PDE4D: variants seen among roughly 807,000 people sequenced by gnomAD.
PDE4D encodes the protein phosphodiesterase 4D.
PDE4D carries 24 observed loss-of-function variants against 87.4 expected under a neutral mutation model. That is an observed-to-expected ratio of 0.27 (90% confidence interval 0.20 to 0.39). PDE4D has a LOEUF of 0.39. Among genes scored for constraint, PDE4D ranks in the 10% least tolerant of loss-of-function variants. The probability of loss-of-function intolerance (pLI) is 1.00; values close to 1 mark genes in which losing one functional copy is unlikely to be tolerated. For synonymous variants in PDE4D, 384 were observed against 383.2 expected (o/e 1.00, Z -0.02); for missense variants, 714 against 1,041.0 (o/e 0.69, Z 4.32).
chr5:60,493,982 A>T (rs1042739835), intron 1 of PDE4D, among the ~76,000 whole-genome samples: 3 of 152,214 alleles, frequency 2.0e-5, no homozygotes, highest in African/African-American at 7.2e-5. Context: ...ATGCTTTAAA[A>T]TTGAAACATA....
rs762524555 is a variant in PDE4D at position 60,360,579 on chromosome 5, G to C, written c.-90+127363C>G. On this transcript the variant is annotated intron_variant, in intron 1 of 16. Coordinates refer to the PDE4D transcript ENST00000502484. Reference sequence around the variant, plus strand: ...GCGAAGAAAATCCCTTCTGTGGCTGGAGACCGAAGAGGCCAACTTCAAAGC... The same window carrying C: ...GCGAAGAAAATCCCTTCTGTGGCTGCAGACCGAAGAGGCCAACTTCAAAGC... 1.4e-4 allele frequency among the ~76,000 whole-genome samples: 21 copies of C among 152,200 alleles called. 1 individual carries two copies. Among genetic ancestry groups the C allele is most frequent in the Non-Finnish European group, 3.1e-4 (21 of 68,038 alleles).
intron 2 of PDE4D, among the ~76,000 whole-genome samples, chr5:60,048,439 C>T (rs894986087): frequency 3.3e-5 from 5 of 151,722 alleles, no homozygotes; most frequent in African/African-American, 7.2e-5. Flanking sequence ...GCTCGTTAAT[C>T]GATGCAGTTT....
At chr5:59,283,736 C>T (rs1428217731) in intron 1 of PDE4D, among the ~76,000 whole-genome samples, 1 of 152,150 alleles carries the variant, frequency 6.6e-6, no homozygotes, top group Non-Finnish European at 1.5e-5. Context: ...TAAAGCCCAA[C>T]TAACTCCAAG....
intron 1 of PDE4D, among the ~76,000 whole-genome samples, chr5:59,657,280 G>A (rs1453550786): frequency 6.6e-6 from 1 of 152,160 alleles, no homozygotes; most frequent in Non-Finnish European, 1.5e-5. Flanking sequence ...ATTGAAGATT[G>A]TCTCAGAAAG....
intron 5 of PDE4D, among the ~76,000 whole-genome samples, chr5:59,053,662 T>TG (rs2153406311): frequency 1.4e-5 from 1 of 70,636 alleles, no homozygotes; most frequent in South Asian, 4.1e-4. Context: ...TTTGTTGTTG[T>TG]TTTTTTTTTT....
intron 1 of PDE4D, among the ~76,000 whole-genome samples, chr5:59,286,836 G>A (rs1408109014): frequency 1.3e-5 from 2 of 152,088 alleles, no homozygotes; most frequent in Non-Finnish European, 1.5e-5. Flanking sequence ...TGGAAAAAAT[G>A]CATTTTTACT....
At chr5:60,457,107 C>G (rs923841589) in intron 1 of PDE4D, among the ~76,000 whole-genome samples, 1 of 152,134 alleles carries the variant, frequency 6.6e-6, no homozygotes, top group Admixed American at 6.6e-5. Context: ...ACAGCCTGCT[C>G]GACTGAGAGA....
chr5:59,588,102 C>T (rs1382026573), intron 1 of PDE4D, among the ~76,000 whole-genome samples: 2 of 152,050 alleles, frequency 1.3e-5, no homozygotes, highest in African/African-American at 2.4e-5. Flanking sequence ...CCTATGGAAG[C>T]CGGTTCTGCA....
chr5:59,203,333 G>T (rs1159802368), intron 2 of PDE4D, among the ~76,000 whole-genome samples: 1 of 151,836 alleles, frequency 6.6e-6, no homozygotes, highest in Non-Finnish European at 1.5e-5. Context: ...TCAAAAAAAG[G>T]TAACAAATGT....
At chr5:59,651,205 G>A (rs1355460044) in intron 1 of PDE4D, among the ~76,000 whole-genome samples, 2 of 150,504 alleles carry the variant, frequency 1.3e-5, no homozygotes, top group Admixed American at 6.6e-5. Context: ...GCAGTGAGCC[G>A]AGATCGCGCC....
rs974839097 is a variant in PDE4D at position 60,104,297 on chromosome 5, G to C, written c.42+81260C>G. 1.3e-5 allele frequency among the ~76,000 whole-genome samples: 2 copies of C among 152,200 alleles called. 1 individual carries two copies. Among genetic ancestry groups the C allele is most frequent in the South Asian group, 4.1e-4 (2 of 4,832 alleles). ...TGAGATCAAACTGCAAGGTGGCAGC[G>C]AGGCTGGGGGAGAGGCGCCCACCAT... On this transcript the variant is annotated intron_variant, in intron 2 of 16. Coordinates refer to the PDE4D transcript ENST00000502484.
Position 59,723,781 on chromosome 5 carries a change from C to A in PDE4D, c.455+169387G>T, listed in dbSNP as rs767586692. On this transcript the variant is annotated intron_variant, in intron 1 of 14. Coordinates refer to ENST00000340635, the MANE Select transcript of PDE4D (RefSeq NM_001104631.2). ...GAGTTGTCCAAACTAATATTGAATGCATTTGACATGACAGCTGGGTTTGAA... is the reference window on the plus strand; with the variant it reads ...GAGTTGTCCAAACTAATATTGAATGAATTTGACATGACAGCTGGGTTTGAA... Among the ~76,000 whole-genome samples the A allele has an allele frequency of 1.8e-4, 27 of 152,126 alleles. 1 individual carries two copies. Among genetic ancestry groups the A allele is most frequent in the Admixed American group, 6.6e-5 (1 of 15,244 alleles).
intron 1 of PDE4D, among the ~76,000 whole-genome samples, chr5:60,288,921 C>G (rs1254893849): frequency 6.6e-6 from 1 of 152,176 alleles, no homozygotes; most frequent in East Asian, 1.9e-4. Context: ...TCTGAGAATT[C>G]ATTTTTCAGA....
intron 1 of PDE4D, among the ~76,000 whole-genome samples, chr5:60,431,277 G>A (rs1008971475): frequency 2.6e-5 from 4 of 151,422 alleles, no homozygotes; most frequent in African/African-American, 9.7e-5. Flanking sequence ...CTTCTCAGAC[G>A]GGGCAGCTGC....
chr5:59,083,510 A>G (rs1333491348), intron 5 of PDE4D, among the ~76,000 whole-genome samples: 3 of 151,788 alleles, frequency 2.0e-5, no homozygotes, highest in African/African-American at 4.8e-5. Flanking sequence ...TTTTTGCTCT[A>G]TATTCTAAGA....
chr5:59,230,806 C>G (rs1043291596), intron 1 of PDE4D, among the ~76,000 whole-genome samples: 10 of 152,118 alleles, frequency 6.6e-5, no homozygotes, highest in Non-Finnish European at 2.9e-5. Flanking sequence ...ACAATCCAAA[C>G]AGATGGGTTT....
At chr5:59,369,494 G>A (rs1783611623) in intron 1 of PDE4D, among the ~76,000 whole-genome samples, 1 of 152,142 alleles carries the variant, frequency 6.6e-6, no homozygotes, top group Non-Finnish European at 1.5e-5. Context: ...TCAAAGTTAG[G>A]TGATGGAGAA....
chr5:60,063,637 A>G (rs189093147), intron 2 of PDE4D, among the ~76,000 whole-genome samples: 33 of 152,262 alleles, frequency 2.2e-4, no homozygotes, highest in Middle Eastern at 6.8e-3. Context: ...CTTGAAAGCT[A>G]TCTGGAAGAG....
intron 1 of PDE4D, among the ~76,000 whole-genome samples, chr5:60,394,962 T>C (rs1225800471): frequency 6.6e-6 from 1 of 152,162 alleles, no homozygotes. Flanking sequence ...ATATTAGCTG[T>C]CTCACATTTT....
Sources: gnomAD v4.1 joint callset for allele counts (sites outside exome capture counted in the v4.1 genomes callset) on GRCh38, gnomAD v4.1.1 for gene constraint, MANE v1.5 for transcripts, NCBI Gene and HGNC (gene_info 2026-07-23, HGNC 2026-07-21) for gene names.